STARD13: variants seen among roughly 807,000 people sequenced by gnomAD.
STARD13 encodes the protein stAR-related lipid transfer protein 13.
A neutral mutation model predicts 106.4 loss-of-function variants in STARD13; 62 were observed. That is an observed-to-expected ratio of 0.58 (90% confidence interval 0.48 to 0.72). The LOEUF is 0.72. Ranked by LOEUF, STARD13 falls within the 30% of genes least tolerant of loss-of-function variation. The pLI is 0.00. For missense variants in STARD13, 1,387 were observed against 1,424.0 expected, an observed-to-expected ratio of 0.97 and a Z score of 0.42; for synonymous variants, 565 against 553.0, an observed-to-expected ratio of 1.02 and a Z score of -0.31.
chr13:33,289,222 C>T (rs949743679), upstream of STARD13, among the ~76,000 whole-genome samples: 4 of 152,172 alleles, frequency 2.6e-5, no homozygotes, highest in Non-Finnish European at 4.4e-5. Flanking sequence ...CAGTTTTCAC[C>T]TACTTTTCTT....
Position 33,105,794 on chromosome 13 carries a change from G to A in STARD13, c.3225-84C>T, listed in dbSNP as rs796260874. 1.3e-5 allele frequency: 15 copies of A among 1,144,626 alleles called. No individual in the cohort carries two copies. The African/African-American group carries it at 2.3e-4, about 17-fold the overall frequency. The allele number at this position is 1,144,626 out of a possible 1,614,324, so 70.9% of individuals were successfully genotyped here. A position where few individuals can be genotyped will look rare whatever the true frequency, so the allele number is the denominator to read the frequency against. Reference sequence around the variant, plus strand: ...AGTTTTGGTGGACAGGGCTGCCCTTGGGCCCCGATGACCAGTGAACCTGCA... The same window carrying A: ...AGTTTTGGTGGACAGGGCTGCCCTTAGGCCCCGATGACCAGTGAACCTGCA... On this transcript the variant is annotated intron_variant, in intron 13 of 13. Transcript: ENST00000336934.
chr13:33,420,067 T>C, the STARD13 span, among the ~76,000 whole-genome samples: 21,529 of 152,070 alleles, frequency 0.14, 3,564 homozygotes, highest in African/African-American at 0.39. Flanking sequence ...AAAATAACCA[T>C]CTAACATCAT....
chr13:33,309,148 C>A (rs953836233), intron 1 of STARD13, among the ~76,000 whole-genome samples: 1 of 152,166 alleles, frequency 6.6e-6, no homozygotes, highest in African/African-American at 2.4e-5. Flanking sequence ...TCCAATAACT[C>A]AATACATTTT....
At chr13:33,420,129 T>A in the STARD13 span, among the ~76,000 whole-genome samples, 1 of 152,174 alleles carries the variant, frequency 6.6e-6, no homozygotes. Flanking sequence ...GTAAATGGAC[T>A]AACTGCCCCA....
intron 13 of STARD13, among the ~76,000 whole-genome samples, chr13:33,106,055 G>A (rs1409994743): frequency 6.6e-6 from 1 of 152,238 alleles, no homozygotes; most frequent in Non-Finnish European, 1.5e-5. Flanking sequence ...TGAATGCCTT[G>A]AAGGGGTTGG....
chr13:33,165,296 C>G, intron 3 of STARD13, 41 bp downstream of exon 3: 1 of 1,461,260 alleles, frequency 6.8e-7, no homozygotes, highest in East Asian at 2.3e-5. Context: ...CTGTTGCAGA[C>G]TGAACAGTGG....
At chr13:33,199,692 T>C (rs1233885148) in intron 1 of STARD13, among the ~76,000 whole-genome samples, 1 of 152,208 alleles carries the variant, frequency 6.6e-6, no homozygotes, top group Non-Finnish European at 1.5e-5. Context: ...AACTATTTTG[T>C]GGTTTCATTC....
the STARD13 span, among the ~76,000 whole-genome samples, chr13:33,488,391 G>A: frequency 6.6e-6 from 1 of 152,068 alleles, no homozygotes; most frequent in East Asian, 1.9e-4. Context: ...AGAAGCCTCA[G>A]TATTATCTTT....
chr13:33,350,577 G>C, exon 1 of STARD13: 1 of 1,391,062 alleles, frequency 7.2e-7, no homozygotes, highest in Non-Finnish European at 9.3e-7. Flanking sequence ...GGGAGGCTGC[G>C]CCACGCGCGA....
chr13:33,557,445 A>G, the STARD13 span, among the ~76,000 whole-genome samples: 1 of 152,190 alleles, frequency 6.6e-6, no homozygotes, highest in Non-Finnish European at 1.5e-5. Context: ...AAAATCTTGC[A>G]GCCATTAGTT....
At chr13:33,432,003 T>C in the STARD13 span, among the ~76,000 whole-genome samples, 3 of 152,158 alleles carry the variant, frequency 2.0e-5, no homozygotes, top group Admixed American at 2.0e-4. Context: ...TGAACCTGAA[T>C]CAGAGTAAGC....
chr13:33,359,119 C>T, the STARD13 span, among the ~76,000 whole-genome samples: 2 of 152,020 alleles, frequency 1.3e-5, no homozygotes, highest in Non-Finnish European at 1.5e-5. Context: ...GCAACCCGCT[C>T]AGGTTGCCTT....
chr13:33,155,754 T>C (rs993133574), intron 3 of STARD13: 13 of 152,172 alleles, frequency 8.5e-5, no homozygotes, highest in Non-Finnish European at 1.3e-4. Flanking sequence ...GTCCCCAAAC[T>C]CTATAGACTA....
At chr13:33,123,841 T>A (rs1876738594) in intron 7 of STARD13, among the ~76,000 whole-genome samples, 1 of 152,236 alleles carries the variant, frequency 6.6e-6, no homozygotes, top group Non-Finnish European at 1.5e-5. Flanking sequence ...CCCATCGCAC[T>A]GCAGGAAGCC....
At chr13:33,176,825 C>T (rs1004969900) in intron 1 of STARD13, among the ~76,000 whole-genome samples, 1 of 151,976 alleles carries the variant, frequency 6.6e-6, no homozygotes, top group Admixed American at 6.6e-5. Context: ...AAACATGCCA[C>T]AAATGTAATC....
chr13:33,558,211 C>T, the STARD13 span, among the ~76,000 whole-genome samples: 1 of 152,134 alleles, frequency 6.6e-6, no homozygotes, highest in Non-Finnish European at 1.5e-5. Flanking sequence ...CTTGCTTGTT[C>T]TGTGACTGTG....
chr13:33,599,529 A>G, the STARD13 span, among the ~76,000 whole-genome samples: 6 of 152,182 alleles, frequency 3.9e-5, no homozygotes, highest in African/African-American at 1.4e-4. Context: ...AATTGCCTCT[A>G]TCCTCCTCCT....
At chr13:33,318,532 A>G (rs1228446720) in intron 1 of STARD13, among the ~76,000 whole-genome samples, 1 of 152,186 alleles carries the variant, frequency 6.6e-6, no homozygotes, top group Non-Finnish European at 1.5e-5. Flanking sequence ...TAGAAATGAC[A>G]TGTAAAGCAA....
exon 1 of STARD13, chr13:33,350,376 C>T (rs1170835218): frequency 5.9e-5 from 90 of 1,533,952 alleles, no homozygotes; most frequent in Non-Finnish European, 7.4e-5. Context: ...GATGGATCTC[C>T]TGAGCTGCGT....
Sources: gnomAD v4.1 joint callset for allele counts (sites outside exome capture counted in the v4.1 genomes callset) on GRCh38, gnomAD v4.1.1 for gene constraint, MANE v1.5 for transcripts, NCBI Gene and HGNC (gene_info 2026-07-23, HGNC 2026-07-21) for gene names.